CORIN: variants seen among roughly 807,000 people sequenced by gnomAD.
CORIN encodes atrial natriuretic peptide-converting enzyme.
CORIN carries 117 observed loss-of-function variants against 125.3 expected under a neutral mutation model. The observed-to-expected ratio is 0.93, with a 90% CI of 0.80 to 1.09. CORIN has a LOEUF of 1.09. Ranked by LOEUF, CORIN falls within the 50% of genes least tolerant of loss-of-function variation. The pLI is 0.00. For missense variants in CORIN, 1,253 were observed against 1,306.7 expected (o/e 0.96, Z 0.63); for synonymous variants, 450 against 466.4 (o/e 0.96, Z 0.45).
intron 19 of CORIN, among the ~76,000 whole-genome samples, chr4:47,607,610 T>C (rs1304387157): frequency 6.6e-6 from 1 of 152,138 alleles, no homozygotes; most frequent in African/African-American, 2.4e-5. Flanking sequence ...AACCTGTTGT[T>C]TGAAAGAGTC....
intron 1 of CORIN, among the ~76,000 whole-genome samples, chr4:47,830,317 T>C (rs1350718193): frequency 6.6e-6 from 1 of 151,998 alleles, no homozygotes; most frequent in Non-Finnish European, 1.5e-5. Context: ...AATGGCACAA[T>C]CTTTAAACCC....
chr4:47,759,264 T>A (rs1204133151), intron 4 of CORIN, among the ~76,000 whole-genome samples: 1 of 152,144 alleles, frequency 6.6e-6, no homozygotes. Context: ...GCCCAAACTA[T>A]GAAACTACTA....
Position 47,643,258 on chromosome 4 carries a change from T to C in CORIN, c.1958-2A>G. 1 of 1,589,926 alleles carries C rather than the reference T, an allele frequency of 6.3e-7. No individual in the cohort carries two copies. The highest frequency in any genetic ancestry group is 8.6e-7 in the Non-Finnish European group (1 of 1,167,794). The stretch of plus-strand genomic sequence containing the variant: ...CCAGCTCATCATCTTGGCAAAATGC[T>C]GGCATGGGGAACAAAAAGTGAGAAG... On this transcript the variant is annotated splice_acceptor_variant, in intron 14 of 21. Transcript: ENST00000273857. LOFTEE classifies it high-confidence loss of function.
chr4:47,820,982 A>G (rs1732485026), intron 1 of CORIN, among the ~76,000 whole-genome samples: 1 of 152,222 alleles, frequency 6.6e-6, no homozygotes, highest in Non-Finnish European at 1.5e-5. Context: ...CACGCCTGTC[A>G]TCCCAGCTCT....
intron 5 of CORIN, among the ~76,000 whole-genome samples, chr4:47,715,216 T>G (rs1727030971): frequency 6.6e-6 from 1 of 152,352 alleles, no homozygotes. Flanking sequence ...CAAAATTTAC[T>G]GATTACAACT....
chr4:47,654,814 C>A (rs1158644906), intron 12 of CORIN, among the ~76,000 whole-genome samples: 1 of 152,030 alleles, frequency 6.6e-6, no homozygotes, highest in Non-Finnish European at 1.5e-5. Flanking sequence ...TGGGGGCATG[C>A]AACCTAGTGC....
At chr4:47,756,260 A>T (rs1729142088) in intron 4 of CORIN, among the ~76,000 whole-genome samples, 1 of 152,202 alleles carries the variant, frequency 6.6e-6, no homozygotes, top group Admixed American at 6.5e-5. Flanking sequence ...GTAGAAAGGA[A>T]GGTCAGTGCA....
chr4:47,771,879 A>G (rs1451810533), intron 3 of CORIN, among the ~76,000 whole-genome samples: 1 of 152,246 alleles, frequency 6.6e-6, no homozygotes, highest in Non-Finnish European at 1.5e-5. Context: ...GCTAAGTTAT[A>G]CAAAAATATG....
At chr4:47,813,504 A>C (rs913730146) in intron 1 of CORIN, among the ~76,000 whole-genome samples, 1 of 152,230 alleles carries the variant, frequency 6.6e-6, no homozygotes, top group Non-Finnish European at 1.5e-5. Flanking sequence ...GCTATTTCTT[A>C]AGGTACAGCA....
At chr4:47,642,695 A>G in intron 15 of CORIN, 1 of 560,068 alleles carries the variant, frequency 1.8e-6, no homozygotes, top group Middle Eastern at 4.9e-4. Flanking sequence ...AGGTGCTGGT[A>G]GGAGATGTCT....
chr4:47,660,461 G>A (rs1208028907), intron 12 of CORIN, among the ~76,000 whole-genome samples: 1 of 152,114 alleles, frequency 6.6e-6, no homozygotes, highest in Admixed American at 6.5e-5. Context: ...TATATAAAAT[G>A]CTCAAACAAC....
intron 15 of CORIN, chr4:47,642,787 C>G: frequency 5.8e-6 from 8 of 1,382,834 alleles, no homozygotes; most frequent in African/African-American, 1.5e-5. Context: ...GGCCACTTGA[C>G]TATTCTATTC....
At chr4:47,828,948 G>A (rs1732853001) in intron 1 of CORIN, among the ~76,000 whole-genome samples, 1 of 151,986 alleles carries the variant, frequency 6.6e-6, no homozygotes, top group Admixed American at 6.5e-5. Flanking sequence ...CACGAGGTCA[G>A]GAGATCGAGA....
intron 4 of CORIN, among the ~76,000 whole-genome samples, chr4:47,749,274 A>T (rs1728793672): frequency 6.6e-6 from 1 of 152,134 alleles, no homozygotes; most frequent in South Asian, 2.1e-4. Context: ...ATGGAATGTC[A>T]ACTTCATCAT....
rs778922481 is a variant in CORIN at position 47,677,937 on chromosome 4, C to G, written c.1249+1G>C. 1 of 1,604,560 alleles carries G rather than the reference C, an allele frequency of 6.2e-7. No homozygotes were observed. The highest frequency in any genetic ancestry group is 1.3e-5 in the African/African-American group (1 of 74,740). On this transcript the variant is annotated splice_donor_variant, in intron 9 of 21. Transcript: ENST00000273857. LOFTEE classifies it high-confidence loss of function. ...GTTCTGGGGTGGTGGGACACACTTA[C>G]TGACGCTGCAGTTCTCCTCATCACT... is the stretch of plus-strand genomic sequence containing the variant.
chr4:47,823,778 C>A (rs1399951786), intron 1 of CORIN, among the ~76,000 whole-genome samples: 1 of 152,214 alleles, frequency 6.6e-6, no homozygotes. Context: ...TGTCCCAGCC[C>A]CAGCTGCCAT....
intron 16 of CORIN, among the ~76,000 whole-genome samples, chr4:47,633,536 T>G (rs1000203770): frequency 6.6e-6 from 1 of 152,220 alleles, no homozygotes; most frequent in African/African-American, 2.4e-5. Flanking sequence ...TGAGCAGAAG[T>G]GTCTACCTCT....
At chr4:47,694,659 G>A (rs1320427297) in intron 5 of CORIN, among the ~76,000 whole-genome samples, 1 of 152,174 alleles carries the variant, frequency 6.6e-6, no homozygotes, top group South Asian at 2.1e-4. Flanking sequence ...TCCAGTCAAT[G>A]AAGCCCATGT....
intron 1 of CORIN, among the ~76,000 whole-genome samples, chr4:47,808,654 C>T (rs1026521057): frequency 1.1e-4 from 16 of 152,086 alleles, no homozygotes; most frequent in Non-Finnish European, 5.9e-5. Flanking sequence ...ATTAAGCTAC[C>T]AGCCAATGTG....
Sources: gnomAD v4.1 joint callset for allele counts (sites outside exome capture counted in the v4.1 genomes callset) on GRCh38, gnomAD v4.1.1 for gene constraint, MANE v1.5 for transcripts, NCBI Gene and HGNC (gene_info 2026-07-23, HGNC 2026-07-21) for gene names.